CDH13: variants seen among roughly 807,000 people sequenced by gnomAD.
CDH13 encodes cadherin 13.
CDH13 carries 24 observed loss-of-function variants against 63.8 expected under a neutral mutation model. That is an observed-to-expected ratio of 0.38 (90% CI 0.27 to 0.53). The LOEUF is 0.53. Among genes scored for constraint, CDH13 ranks in the 20% least tolerant of loss-of-function variants. The pLI, the probability that CDH13 is intolerant of heterozygous loss-of-function variation, is 0.85. For missense variants in CDH13, 1,049 were observed against 903.1 expected (o/e 1.16, Z -2.07); for synonymous variants, 503 against 355.3 (o/e 1.42, Z -4.67).
chr16:83,304,858 C>T (rs1370540231), intron 5 of CDH13, among the ~76,000 whole-genome samples: 1 of 152,136 alleles, frequency 6.6e-6, no homozygotes, highest in African/African-American at 2.4e-5. Flanking sequence ...CCCACCTTTC[C>T]TCTCTCTGTC....
chr16:83,534,012 G>A (rs2151636549), intron 7 of CDH13, among the ~76,000 whole-genome samples: 1 of 152,274 alleles, frequency 6.6e-6, no homozygotes, highest in Non-Finnish European at 1.5e-5. Context: ...CCATTTTAAA[G>A]TGAACAATTC....
At chr16:82,986,881 T>A (rs1390193686) in intron 2 of CDH13, among the ~76,000 whole-genome samples, 2 of 152,222 alleles carry the variant, frequency 1.3e-5, no homozygotes, top group Non-Finnish European at 2.9e-5. Context: ...ATGAGTTAGG[T>A]ACTTTCAAGT....
intron 8 of CDH13, among the ~76,000 whole-genome samples, chr16:83,654,400 C>G (rs958126295): frequency 1.3e-5 from 2 of 151,894 alleles, no homozygotes; most frequent in African/African-American, 2.4e-5. Context: ...GAGAAAGACC[C>G]TGAAGCAAGT....
At chr16:83,473,990 G>T (rs1186667523) in intron 6 of CDH13, among the ~76,000 whole-genome samples, 1 of 152,080 alleles carries the variant, frequency 6.6e-6, no homozygotes, top group African/African-American at 2.4e-5. Flanking sequence ...CATCACTCCT[G>T]CACCAACTTT....
chr16:82,983,483 C>T (rs1335241520), intron 2 of CDH13, among the ~76,000 whole-genome samples: 1 of 152,154 alleles, frequency 6.6e-6, no homozygotes, highest in East Asian at 1.9e-4. Flanking sequence ...CCTTTGAGTT[C>T]CCTGGATTCC....
intron 2 of CDH13, among the ~76,000 whole-genome samples, chr16:82,877,563 G>C (rs2040545844): frequency 6.6e-6 from 1 of 152,170 alleles, no homozygotes; most frequent in African/African-American, 2.4e-5. Flanking sequence ...CTGCAGAGTG[G>C]TAACAGCAAT....
rs535575816 is a variant in CDH13 at position 83,649,104 on chromosome 16, T to C, written c.1102-21686T>C. On this transcript the variant is annotated intron_variant, in intron 8 of 13. Transcript: ENST00000567109. ...CTATTCCTGTTTTCTACTTATGAAGTCCAGCCTCCTCGCCCCCCATTCCCC... is the reference window on the plus strand; with the variant it reads ...CTATTCCTGTTTTCTACTTATGAAGCCCAGCCTCCTCGCCCCCCATTCCCC... Among the ~76,000 whole-genome samples, 21 of 152,330 alleles carry C rather than the reference T, an allele frequency of 1.4e-4. No homozygotes were observed. In the South Asian group the frequency reaches 3.5e-3, roughly 26 times the overall value.
At chr16:83,379,489 T>C (rs778150055) in intron 6 of CDH13, among the ~76,000 whole-genome samples, 3 of 152,188 alleles carry the variant, frequency 2.0e-5, no homozygotes, top group African/African-American at 4.8e-5. Flanking sequence ...AACCATACAG[T>C]GTTTTGGTGA....
At chr16:82,788,074 C>T (rs143614377) in intron 1 of CDH13, among the ~76,000 whole-genome samples, 1 of 152,108 alleles carries the variant, frequency 6.6e-6, no homozygotes, top group Admixed American at 6.5e-5. Context: ...AGTCAGTGCT[C>T]TCTGGAGGCT....
intron 11 of CDH13, among the ~76,000 whole-genome samples, chr16:83,753,743 T>C (rs988577065): frequency 1.3e-5 from 2 of 152,004 alleles, no homozygotes; most frequent in Non-Finnish European, 2.9e-5. Context: ...TGCCAAAACA[T>C]GTTGATAAAA....
At chr16:82,677,446 C>CTCTT (rs1555532504) in intron 1 of CDH13, among the ~76,000 whole-genome samples, 1 of 130,728 alleles carries the variant, frequency 7.6e-6, no homozygotes, top group East Asian at 2.4e-4. Flanking sequence ...ACTCTTCTGC[C>CTCTT]TTTTTTTTTT....
In CDH13 at chr16:82,998,861, C is replaced by A. The variant is rs866210884; in HGVS notation, c.158-33149C>A. On this transcript the variant is annotated intron_variant, in intron 2 of 13. Coordinates refer to ENST00000567109, the MANE Select transcript of CDH13 (RefSeq NM_001257.5). The stretch of plus-strand genomic sequence containing the variant: ...CGCTGCCATGTAATTTCCCCTTGAT[C>A]CTTTTTTTTTTTTTTTTTGCAGATA... Among the ~76,000 whole-genome samples, 6 of 118,374 alleles carry A rather than the reference C, an allele frequency of 5.1e-5. No homozygotes were observed. In the East Asian group the frequency reaches 1.2e-3, roughly 23 times the overall value. 77.7% of individuals were successfully genotyped at this position (118,374 alleles called of 152,430 possible). A position where few individuals can be genotyped will look rare whatever the true frequency, so the allele number is the denominator to read the frequency against.
chr16:82,651,129 T>G (rs1057032718), intron 1 of CDH13, among the ~76,000 whole-genome samples: 1 of 152,192 alleles, frequency 6.6e-6, no homozygotes, highest in Non-Finnish European at 1.5e-5. Context: ...TTATCTAATT[T>G]TAGTGGGTGG....
intron 5 of CDH13, among the ~76,000 whole-genome samples, chr16:83,248,632 C>A (rs1241706160): frequency 6.6e-6 from 1 of 152,138 alleles, no homozygotes; most frequent in Non-Finnish European, 1.5e-5. Flanking sequence ...AATACTTTTC[C>A]CCTAAAGGTG....
At chr16:83,461,920 G>C (rs945843032) in intron 6 of CDH13, among the ~76,000 whole-genome samples, 7 of 152,332 alleles carry the variant, frequency 4.6e-5, no homozygotes, top group African/African-American at 1.7e-4. Context: ...TGTAAGGTAT[G>C]AGCTCAGGTC....
At chr16:82,705,025 C>T (rs541994186) in intron 1 of CDH13, 123 of 405,030 alleles carry the variant, frequency 3.0e-4, no homozygotes, top group Middle Eastern at 1.1e-3. Context: ...TGCCACTGGA[C>T]GGGAAAATAA....
At chr16:83,363,218 A>G (rs1281802311) in intron 6 of CDH13, among the ~76,000 whole-genome samples, 1 of 152,218 alleles carries the variant, frequency 6.6e-6, no homozygotes, top group African/African-American at 2.4e-5. Context: ...TCGTATTTCT[A>G]GAAGCTGGGA....
At chr16:83,326,930 G>C (rs2090375919) in intron 5 of CDH13, among the ~76,000 whole-genome samples, 1 of 152,198 alleles carries the variant, frequency 6.6e-6, no homozygotes, top group Admixed American at 6.5e-5. Flanking sequence ...TATGTGTTAA[G>C]TCCAGAAGAA....
At chr16:83,301,024 G>GT (rs1567574870) in intron 5 of CDH13, among the ~76,000 whole-genome samples, 7 of 53,986 alleles carry the variant, frequency 1.3e-4, no homozygotes, top group Admixed American at 2.6e-4. Context: ...AACTTTCTGG[G>GT]GTTTTTTTTT....
Sources: allele counts gnomAD v4.1 joint callset (sites outside exome capture counted in the v4.1 genomes callset), GRCh38; gene constraint gnomAD v4.1.1; transcripts MANE v1.5; gene names NCBI Gene and HGNC (gene_info 2026-07-23, HGNC 2026-07-21).